The following LRRC7 variants were observed in gnomAD, a reference collection of about 807,000 sequenced individuals.
LRRC7 encodes the protein leucine rich repeat containing 7.
In LRRC7, 23 loss-of-function variants were observed where a neutral mutation model predicts 175.7. The observed-to-expected ratio is 0.13, with a 90% CI of 0.09 to 0.19. LRRC7 has a LOEUF of 0.19. LRRC7 is among the 10% of genes least tolerant of loss of function. The pLI, the probability that LRRC7 is intolerant of heterozygous loss-of-function variation, is 1.00. For missense variants in LRRC7, 1,354 were observed against 1,904.7 expected (o/e 0.71, Z 5.38); for synonymous variants, 685 against 680.9 (o/e 1.01, Z -0.09).
At chr1:69,629,157 A>G (rs547867252) in intron 1 of LRRC7, among the ~76,000 whole-genome samples, 68 of 152,258 alleles carry the variant, frequency 4.5e-4, no homozygotes, top group African/African-American at 1.6e-3. Context: ...TCTGAGAGAA[A>G]CTGTCAAGAG....
At chr1:69,784,546 C>CATAGA (rs1674178781) in intron 3 of LRRC7, among the ~76,000 whole-genome samples, 1 of 152,162 alleles carries the variant, frequency 6.6e-6, no homozygotes, top group African/African-American at 2.4e-5. Context: ...CTGTGTCCTC[C>CATAGA]TTGTTCCATA....
intron 7 of LRRC7, among the ~76,000 whole-genome samples, chr1:69,904,640 C>T (rs188396922): frequency 2.2e-4 from 33 of 151,992 alleles, no homozygotes; most frequent in Admixed American, 1.8e-3. Context: ...TATTTAAATG[C>T]ACTTTCTCCT....
chr1:70,038,623 G>T lies in LRRC7; in HGVS notation c.2799G>T (p.Glu933Asp), dbSNP rs757614153. Residue 933 changes from glutamate to aspartate, a missense_variant, in exon 21 of 27, where the codon GAG becomes GAT. Transcript: ENST00000651989. ...CTTTTTCTCCAGGCGTACCATGGGA[G>T]TATCATGATTCCAATCCCAACAGGA... ...PSPFSPGVPW[E>D]YHDSNPNRSL... 6.2e-7 allele frequency: 1 copy of T among 1,614,100 alleles called. No homozygotes were observed. Among genetic ancestry groups the T allele is most frequent in the Non-Finnish European group, 8.5e-7 (1 of 1,179,996 alleles).
chr1:69,695,965 C>T (rs1415438878), intron 2 of LRRC7, among the ~76,000 whole-genome samples: 3 of 152,214 alleles, frequency 2.0e-5, no homozygotes, highest in Non-Finnish European at 2.9e-5. Context: ...AGAGTCCCTA[C>T]TAGGGCAATC....
intron 9 of LRRC7, among the ~76,000 whole-genome samples, chr1:69,984,309 A>G (rs1167903414): frequency 6.6e-6 from 1 of 152,220 alleles, no homozygotes; most frequent in Non-Finnish European, 1.5e-5. Context: ...AACATAAAAT[A>G]TTGAATCAAA....
chr1:69,753,508 T>C (rs17131023), intron 2 of LRRC7, among the ~76,000 whole-genome samples: 5,069 of 152,110 alleles, frequency 0.033, 272 homozygotes, highest in African/African-American at 0.12. Flanking sequence ...ATAGACTCAC[T>C]AAACCTAAAT....
chr1:69,919,804 G>A (rs1177351049), intron 7 of LRRC7: 24 of 807,200 alleles, frequency 3.0e-5, no homozygotes, highest in Admixed American at 8.6e-5. Context: ...CAGTGTTCAC[G>A]GATTCCGGCA....
chr1:69,996,855 T>C (rs1655029495), intron 11 of LRRC7, among the ~76,000 whole-genome samples: 1 of 152,052 alleles, frequency 6.6e-6, no homozygotes, highest in Non-Finnish European at 1.5e-5. Flanking sequence ...TTTGTTCTTT[T>C]GGCTTAGGAT....
At position 70,038,775 on chromosome 1, in the gene LRRC7, A is replaced by G; in HGVS notation, c.2951A>G (p.Lys984Arg). The change falls in exon 21 of 27, where the codon AAG becomes AGG. Residue 984 changes from lysine (K) to arginine (R), a missense_variant. Physicochemically the swap from Lys to Arg is conservative, Grantham distance 26. This residue lies in a region of LRRC7 where 1,032 missense variants were observed against 1,227.2 expected (regional missense o/e 0.84). Transcript: ENST00000651989. ...GATATCAAGTCTAATAAATTCAAAA[A>G]GTCACAGAGTATCGATGAGATTGAC... ...MKDIKSNKFK[K>R]SQSIDEIDIG... is the part of the protein sequence containing the mutation. The G allele has an allele frequency of 6.2e-7, 1 of 1,613,988 alleles. No individual in the cohort carries two copies. The highest frequency in any genetic ancestry group is 1.1e-5 in the South Asian group (1 of 91,064).
At chr1:69,705,600 C>T (rs2100712709) in intron 2 of LRRC7, among the ~76,000 whole-genome samples, 1 of 152,150 alleles carries the variant, frequency 6.6e-6, no homozygotes, top group East Asian at 1.9e-4. Context: ...TGGAAGAAAT[C>T]TTGACATTAG....
intron 3 of LRRC7, among the ~76,000 whole-genome samples, chr1:69,773,261 C>T (rs1056331193): frequency 3.3e-5 from 5 of 152,072 alleles, no homozygotes; most frequent in African/African-American, 1.2e-4. Context: ...AGGAGATCCT[C>T]AGAATGCATG....
At chr1:69,960,105 C>T (rs147775999) in intron 8 of LRRC7, among the ~76,000 whole-genome samples, 33 of 151,992 alleles carry the variant, frequency 2.2e-4, no homozygotes, top group East Asian at 9.7e-4. Context: ...GCTGTGAATC[C>T]GTCTGGTCCT....
intron 4 of LRRC7, among the ~76,000 whole-genome samples, chr1:69,811,318 G>T (rs1014147216): frequency 2.6e-5 from 4 of 152,258 alleles, no homozygotes; most frequent in Non-Finnish European, 4.4e-5. Context: ...TTACACTGTT[G>T]GTGGGAGTGT....
chr1:70,129,662 T>A lies in LRRC7; in HGVS notation c.*7775T>A, dbSNP rs1470036622. Among the ~76,000 whole-genome samples the A allele has an allele frequency of 6.6e-6, 1 of 152,136 alleles. No individual in the cohort carries two copies. Among genetic ancestry groups the A allele is most frequent in the African/African-American group, 2.4e-5 (1 of 41,418 alleles). On this transcript the variant is annotated 3_prime_UTR_variant, in exon 27 of 27. Coordinates refer to ENST00000651989, the MANE Select transcript of LRRC7 (RefSeq NM_001370785.2). ...ATGACCCACTCCGAAATGCAAGGAG[T>A]TGAACAATCATTCAGCTGGCTGCAT...
In LRRC7 at chr1:69,918,745, A is replaced by G. The variant is rs111615512; in HGVS notation, c.648-12762A>G. Among the ~76,000 whole-genome samples, 67 of 152,328 alleles carry G rather than the reference A, an allele frequency of 4.4e-4. 1 individual carries two copies. Among genetic ancestry groups the G allele is most frequent in the African/African-American group, 1.5e-3 (63 of 41,592 alleles). On this transcript the variant is annotated intron_variant, in intron 7 of 26. Coordinates refer to ENST00000651989, the MANE Select transcript of LRRC7 (RefSeq NM_001370785.2). ...GAAAATGTAGTGACAGAATGAAACT[A>G]TAGTGATGATAATTAAAAACTGATG...
chr1:69,638,740 A>G (rs181814008), intron 1 of LRRC7, among the ~76,000 whole-genome samples: 4 of 151,886 alleles, frequency 2.6e-5, no homozygotes, highest in African/African-American at 9.6e-5. Context: ...TGAAAGTACA[A>G]TGTTCTCCAC....
chr1:69,717,882 GAA>G (rs1665724307), intron 2 of LRRC7, among the ~76,000 whole-genome samples: 1 of 120,200 alleles, frequency 8.3e-6, no homozygotes, highest in African/African-American at 3.2e-5. Context: ...AAGAAAGAGA[GAA>G]AAAGAGGAGG....
rs146555810 is a variant in LRRC7 at position 69,684,358 on chromosome 1, T to A, written c.100+5880T>A. Among the ~76,000 whole-genome samples, 1,021 of 142,244 alleles carry A rather than the reference T, an allele frequency of 7.2e-3. 5 individuals are homozygous for A. Among genetic ancestry groups the A allele is most frequent in the African/African-American group, 0.025 (967 of 38,980 alleles). The allele number at this position is 142,244 out of a possible 152,430, so 93.3% of individuals were successfully genotyped here. ...CAAGAATCTGCTGGAAATAAAAAGA[T>A]GGGTAGGGGAGATGAAGAGAAGGAG... is the stretch of plus-strand genomic sequence containing the variant. On this transcript the variant is annotated intron_variant, in intron 2 of 26. Transcript: ENST00000651989.
chr1:69,882,636 T>C (rs2101616953), intron 7 of LRRC7, among the ~76,000 whole-genome samples: 1 of 151,912 alleles, frequency 6.6e-6, no homozygotes, highest in South Asian at 2.1e-4. Context: ...AATTATACTT[T>C]ATGTTTTAGG....
Sources: gnomAD v4.1 joint callset for allele counts (sites outside exome capture counted in the v4.1 genomes callset) on GRCh38, gnomAD v4.1.1 for gene constraint, gnomAD v4.1.1 regional missense constraint, MANE v1.5 for transcripts, NCBI Gene and HGNC (gene_info 2026-07-23, HGNC 2026-07-21) for gene names.